The following SH3GL2 variants were observed in gnomAD, a reference collection of about 807,000 sequenced individuals.
SH3GL2 encodes endophilin-A1.
SH3GL2 carries 24 observed loss-of-function variants against 46.0 expected under a neutral mutation model. The ratio of observed to expected loss-of-function variants is 0.52; its 90% CI spans 0.38 to 0.73. SH3GL2 has a LOEUF of 0.73. Among genes scored for constraint, SH3GL2 ranks in the 30% least tolerant of loss-of-function variants. The pLI, the probability that SH3GL2 is intolerant of heterozygous loss-of-function variation, is 0.00. For synonymous variants in SH3GL2, 196 were observed against 147.1 expected, an observed-to-expected ratio of 1.33 and a Z score of -2.40; for missense variants, 413 against 424.2, an observed-to-expected ratio of 0.97 and a Z score of 0.23.
intron 1 of SH3GL2, among the ~76,000 whole-genome samples, chr9:17,721,651 A>T (rs183153610): frequency 6.6e-6 from 1 of 152,024 alleles, no homozygotes; most frequent in African/African-American, 2.4e-5. Context: ...GCAGCTATCT[A>T]TGCATGCACT....
At chr9:17,783,785 G>C (rs1048916928) in intron 3 of SH3GL2, among the ~76,000 whole-genome samples, 3 of 152,114 alleles carry the variant, frequency 2.0e-5, no homozygotes, top group African/African-American at 7.2e-5. Flanking sequence ...CCTAGAAGTA[G>C]ATTCATGGGT....
chr9:17,739,818 C>T (rs530643488), intron 1 of SH3GL2, among the ~76,000 whole-genome samples: 7 of 152,202 alleles, frequency 4.6e-5, no homozygotes, highest in African/African-American at 1.4e-4. Flanking sequence ...GCCCCATAGT[C>T]TATGGGAATT....
intron 2 of SH3GL2, among the ~76,000 whole-genome samples, chr9:17,760,381 A>G (rs1823135587): frequency 1.3e-5 from 2 of 152,102 alleles, no homozygotes; most frequent in Non-Finnish European, 2.9e-5. Context: ...TGGATTATGG[A>G]AAAGGAGGAG....
intron 1 of SH3GL2, among the ~76,000 whole-genome samples, chr9:17,685,742 A>T (rs985799161): frequency 2.6e-5 from 4 of 151,958 alleles, no homozygotes; most frequent in Admixed American, 2.0e-4. Context: ...AGGTTTGTCA[A>T]AGATCAGATA....
intron 1 of SH3GL2, among the ~76,000 whole-genome samples, chr9:17,592,901 G>A (rs1346921959): frequency 6.6e-6 from 1 of 152,130 alleles, no homozygotes; most frequent in African/African-American, 2.4e-5. Context: ...AGCCTCCTTA[G>A]AGGGGAAAGG....
At chr9:17,745,242 T>A (rs1425472946) in intron 1 of SH3GL2, among the ~76,000 whole-genome samples, 1 of 152,182 alleles carries the variant, frequency 6.6e-6, no homozygotes, top group East Asian at 1.9e-4. Context: ...ATCATTGCCC[T>A]TTATCTACCT....
Position 17,662,944 on chromosome 9 carries a change from C to G in SH3GL2, c.45+83657C>G, listed in dbSNP as rs545215329. Among the ~76,000 whole-genome samples the G allele has an allele frequency of 2.6e-5, 4 of 152,234 alleles. No homozygotes were observed. In the East Asian group the frequency reaches 7.7e-4, roughly 29 times the overall value. On this transcript the variant is annotated intron_variant, in intron 1 of 8. Transcript: ENST00000380607. ...CAGGCTGGTCTCCAACTCCTGACCT[C>G]GTGATCTGCCCGCCTCCCAAAGTGC...
chr9:17,687,818 G>T (rs768144809), intron 1 of SH3GL2, among the ~76,000 whole-genome samples: 3 of 152,042 alleles, frequency 2.0e-5, no homozygotes, highest in Non-Finnish European at 4.4e-5. Context: ...TATGGGGAAA[G>T]GGTCTCAAAG....
intron 3 of SH3GL2, among the ~76,000 whole-genome samples, chr9:17,770,572 C>G (rs1823446613): frequency 1.3e-5 from 2 of 152,284 alleles, no homozygotes; most frequent in African/African-American, 4.8e-5. Context: ...ATGGAATCAA[C>G]TACTCACCAC....
At chr9:17,777,436 G>A (rs1823671506) in intron 3 of SH3GL2, among the ~76,000 whole-genome samples, 2 of 152,154 alleles carry the variant, frequency 1.3e-5, no homozygotes, top group Admixed American at 1.3e-4. Flanking sequence ...GAAAGTATAT[G>A]GGTTGAGTGA....
chr9:17,756,725 T>C (rs960524195), intron 2 of SH3GL2, among the ~76,000 whole-genome samples: 2 of 152,064 alleles, frequency 1.3e-5, no homozygotes, highest in African/African-American at 4.8e-5. Flanking sequence ...CAGTCTATCA[T>C]TGATGGACAT....
At chr9:17,740,135 A>G (rs981945330) in intron 1 of SH3GL2, among the ~76,000 whole-genome samples, 18 of 152,122 alleles carry the variant, frequency 1.2e-4, no homozygotes, top group African/African-American at 4.3e-4. Context: ...CAATTTTTTG[A>G]TAGTGAGAAA....
intron 1 of SH3GL2, among the ~76,000 whole-genome samples, chr9:17,672,616 C>T (rs1323412628): frequency 6.6e-6 from 1 of 152,110 alleles, no homozygotes; most frequent in Non-Finnish European, 1.5e-5. Flanking sequence ...TGGTTTCTCT[C>T]CCTCTTTCTG....
At chr9:17,707,106 A>T (rs12553087) in intron 1 of SH3GL2, among the ~76,000 whole-genome samples, 10,529 of 152,098 alleles carry the variant, frequency 0.069, 508 homozygotes, top group Admixed American at 0.14. Context: ...AATGGGGGGA[A>T]CTTGTGCTTT....
intron 2 of SH3GL2, among the ~76,000 whole-genome samples, chr9:17,751,183 A>G (rs1184281729): frequency 6.6e-6 from 1 of 152,204 alleles, no homozygotes; most frequent in Non-Finnish European, 1.5e-5. Flanking sequence ...CTTTTTAAGG[A>G]GCAACTTTGA....
chr9:17,792,519 A>G (rs1381596326), intron 7 of SH3GL2, among the ~76,000 whole-genome samples: 2 of 152,164 alleles, frequency 1.3e-5, no homozygotes, highest in Non-Finnish European at 2.9e-5. Flanking sequence ...GGGTATGTAG[A>G]AGACAATTAT....
intron 1 of SH3GL2, among the ~76,000 whole-genome samples, chr9:17,694,150 T>C (rs1186919568): frequency 6.6e-6 from 1 of 152,152 alleles, no homozygotes; most frequent in African/African-American, 2.4e-5. Context: ...TATACTGCTA[T>C]AAAGAAGTAC....
intron 2 of SH3GL2, among the ~76,000 whole-genome samples, chr9:17,760,224 T>A (rs1823129435): frequency 6.6e-6 from 1 of 152,196 alleles, no homozygotes; most frequent in Non-Finnish European, 1.5e-5. Context: ...TAAAGATAAT[T>A]TTATATCATT....
At position 17,589,077 on chromosome 9, in the gene SH3GL2, A is replaced by G. The variant is rs186290062; in HGVS notation, c.45+9790A>G. The G allele has an allele frequency of 3.3e-5, 5 of 152,350 alleles. No individual in the cohort carries two copies. In the East Asian group the frequency reaches 7.7e-4, roughly 24 times the overall value. 9.4% of individuals were successfully genotyped at this position (152,350 alleles called of 1,614,324 possible). A position where few individuals can be genotyped will look rare whatever the true frequency, so the allele number is the denominator to read the frequency against. On this transcript the variant is annotated intron_variant, in intron 1 of 8. Transcript: ENST00000380607. ...TTTGTGAGCTTGTAAGTGTATGTATATGTGCATATGTCCATATGTACATAC... is the reference window on the plus strand; with the variant it reads ...TTTGTGAGCTTGTAAGTGTATGTATGTGTGCATATGTCCATATGTACATAC...
Sources: allele counts gnomAD v4.1 joint callset (sites outside exome capture counted in the v4.1 genomes callset), GRCh38; gene constraint gnomAD v4.1.1; transcripts MANE v1.5; gene names NCBI Gene and HGNC (gene_info 2026-07-23, HGNC 2026-07-21).